FIG4: variants seen among roughly 807,000 people sequenced by gnomAD.
FIG4 encodes polyphosphoinositide phosphatase.
FIG4 carries 112 observed loss-of-function variants against 118.6 expected under a neutral mutation model. The observed-to-expected ratio is 0.94, with a 90% confidence interval of 0.81 to 1.11. The LOEUF is 1.11. Among genes scored for constraint, FIG4 ranks in the 50% least tolerant of loss-of-function variants. The pLI is 0.00. For synonymous variants in FIG4, 369 were observed against 381.2 expected (o/e 0.97, Z 0.37); for missense variants, 969 against 1,111.7 (o/e 0.87, Z 1.83).
chr6:109,745,896 A>ATTCT (rs1474766383), intron 10 of FIG4, among the ~76,000 whole-genome samples: 1 of 152,168 alleles, frequency 6.6e-6, no homozygotes, highest in Non-Finnish European at 1.5e-5. Context: ...AATTAGAAAA[A>ATTCT]GCTACTTTAA....
intron 22 of FIG4, among the ~76,000 whole-genome samples, chr6:109,822,543 A>G (rs1779032571): frequency 6.6e-6 from 1 of 152,006 alleles, no homozygotes. Flanking sequence ...GATCTTTGCT[A>G]TATAACAGTG....
chr6:109,767,254 G>T (rs1186033846), intron 15 of FIG4, among the ~76,000 whole-genome samples: 48 of 152,114 alleles, frequency 3.2e-4, no homozygotes, highest in Non-Finnish European at 7.3e-5. Context: ...CTCGACAATT[G>T]TCTAAGAATG....
intron 1 of FIG4, among the ~76,000 whole-genome samples, chr6:109,708,192 A>G (rs1348510934): frequency 1.3e-5 from 2 of 152,048 alleles, no homozygotes; most frequent in African/African-American, 4.8e-5. Flanking sequence ...CTGTGTGTCC[A>G]TGTGTTCTCA....
chr6:109,766,868 T>A lies in FIG4; in HGVS notation c.1723T>A (p.Ser575Thr). 3.1e-6 allele frequency: 5 copies of A among 1,614,112 alleles called. No individual in the cohort carries two copies. Among genetic ancestry groups the A allele is most frequent in the Non-Finnish European group, 4.2e-6 (5 of 1,179,978 alleles). ...QHSKDIMQTL[S>T]RYYSNAFSDA... ...CTCCAAAGACATCATGCAAACCCTG[T>A]CTAGATATTACAGCAATGCTTTTTC... is the stretch of plus-strand genomic sequence containing the variant. Residue 575 changes from serine to threonine, a missense_variant, in exon 15 of 23, where the codon TCT becomes ACT. Transcript: ENST00000230124.
At chr6:109,697,743 G>C (rs1221978752) in intron 1 of FIG4, among the ~76,000 whole-genome samples, 1 of 152,206 alleles carries the variant, frequency 6.6e-6, no homozygotes, top group Non-Finnish European at 1.5e-5. Flanking sequence ...AGGCTGCAGA[G>C]ATTAAAGTTC....
intron 13 of FIG4, 118 bp from the exon 14 acceptor site, chr6:109,764,895 T>TTTGTTTTTG: frequency 1.2e-6 from 1 of 811,090 alleles, no homozygotes; most frequent in Non-Finnish European, 2.1e-6. Context: ...CCCACAGACT[T>TTTGTTTTTG]TTTTTGTTTT....
chr6:109,785,710 A>G (rs191663048), intron 17 of FIG4: 7 of 470,490 alleles, frequency 1.5e-5, no homozygotes, highest in African/African-American at 6.0e-5. Flanking sequence ...GAATGCTCCA[A>G]TTGAGGACTC....
At chr6:109,716,358 G>A in intron 2 of FIG4, 87 bp from the exon 3 acceptor site, 2 of 1,356,318 alleles carry the variant, frequency 1.5e-6, no homozygotes, top group South Asian at 1.2e-5. Context: ...GATGATGCTT[G>A]TAGGTAACTT....
At chr6:109,697,128 G>C (rs539635703) in intron 1 of FIG4, among the ~76,000 whole-genome samples, 1 of 152,170 alleles carries the variant, frequency 6.6e-6, no homozygotes, top group Admixed American at 6.5e-5. Flanking sequence ...TGGGCATGGT[G>C]GTGGGCGCCT....
intron 3 of FIG4, among the ~76,000 whole-genome samples, chr6:109,724,803 TTGTG>T (rs60968865): frequency 3.9e-3 from 566 of 146,458 alleles, no homozygotes; most frequent in African/African-American, 5.6e-3. Flanking sequence ...TTATAATCCT[TTGTG>T]TGTGTGTGTG....
At chr6:109,750,672 T>C (rs1021555495) in intron 10 of FIG4, among the ~76,000 whole-genome samples, 5 of 152,238 alleles carry the variant, frequency 3.3e-5, no homozygotes, top group Admixed American at 2.6e-4. Flanking sequence ...GCAAAATCAC[T>C]TGTGTAGTAG....
Position 109,796,779 on chromosome 6 carries a change from G to A in FIG4, c.2474G>A (p.Gly825Glu). 1 of 1,609,014 alleles carries A rather than the reference G, an allele frequency of 6.2e-7. No homozygotes were observed. Among genetic ancestry groups the A allele is most frequent in the Non-Finnish European group, 8.5e-7 (1 of 1,175,468 alleles). ...FSIYSRFVQL[G>E]QSQHKQDKNS... ...GTAATTTGTAGATTTGTTCAGCTGG[G>A]GCAGAGTCAACATAAACAAGACAAG... Residue 825 changes from glycine (G) to glutamate (E), a missense_variant, in exon 22 of 23, where the codon GGG becomes GAG. Gly to Glu is a moderately conservative substitution (Grantham distance 98). This residue lies in a region of FIG4 where 330 missense variants were observed against 348.1 expected (regional missense o/e 0.95). Transcript: ENST00000230124.
intron 5 of FIG4, among the ~76,000 whole-genome samples, chr6:109,734,334 T>C (rs1337487354): frequency 6.6e-6 from 1 of 151,234 alleles, no homozygotes; most frequent in African/African-American, 2.4e-5. Flanking sequence ...GAAAGCCCCC[T>C]CAACACTTAA....
rs571649446 is a variant in FIG4 at position 109,795,095 on chromosome 6, G to GTTTTT, written c.2460-1634_2460-1630dup. ...TCCTCAAAGCTTCATACACTTGCCA[G>GTTTTT]TTTTTTTTTTTTTTTTTTTTTTTTT... On this transcript the variant is annotated intron_variant, in intron 21 of 22. Transcript: ENST00000230124. Among the ~76,000 whole-genome samples, 329 of 57,250 alleles carry GTTTTT rather than the reference G, an allele frequency of 5.7e-3. 111 individuals are homozygous for GTTTTT. Among genetic ancestry groups the GTTTTT allele is most frequent in the Non-Finnish European group, 9.2e-3 (263 of 28,706 alleles). 37.6% of individuals were successfully genotyped at this position (57,250 alleles called of 152,430 possible). A position where few individuals can be genotyped will look rare whatever the true frequency, so the allele number is the denominator to read the frequency against.
chr6:109,748,267 G>A (rs6899915), intron 10 of FIG4, among the ~76,000 whole-genome samples: 121,180 of 152,030 alleles, frequency 0.8, 48,494 homozygotes, highest in African/African-American at 0.89. Context: ...AGGTAAAATA[G>A]TAATTGGGTT....
chr6:109,778,118 G>A (rs1248309623), intron 16 of FIG4, among the ~76,000 whole-genome samples: 2 of 152,110 alleles, frequency 1.3e-5, no homozygotes, highest in Non-Finnish European at 2.9e-5. Flanking sequence ...TTCTCCCATC[G>A]TGCTTTTCTC....
intron 22 of FIG4, among the ~76,000 whole-genome samples, chr6:109,815,670 C>T (rs1038216683): frequency 1.2e-4 from 18 of 151,830 alleles, no homozygotes; most frequent in Admixed American, 3.9e-4. Flanking sequence ...TAAAGGCCAT[C>T]GGCACTGAAA....
At chr6:109,824,914 C>G (rs1364632260) in intron 22 of FIG4, among the ~76,000 whole-genome samples, 174 bp from the exon 23 acceptor site, 1 of 152,188 alleles carries the variant, frequency 6.6e-6, no homozygotes, top group Non-Finnish European at 1.5e-5. Flanking sequence ...GCTCTCTCCT[C>G]CAGGCAGAGA....
intron 18 of FIG4, among the ~76,000 whole-genome samples, chr6:109,788,543 A>G (rs1404082394): frequency 1.3e-5 from 2 of 152,220 alleles, no homozygotes. Flanking sequence ...CAAAGTTTTC[A>G]CCACTCTGTA....
Sources: allele counts gnomAD v4.1 joint callset (sites outside exome capture counted in the v4.1 genomes callset), GRCh38; gene constraint gnomAD v4.1.1; regional missense constraint gnomAD v4.1.1; transcripts MANE v1.5; gene names NCBI Gene and HGNC (gene_info 2026-07-23, HGNC 2026-07-21).